The following NRF1 variants were observed in gnomAD, a reference collection of about 807,000 sequenced individuals.
The protein encoded by NRF1 is nuclear respiratory factor 1.
In NRF1, 5 loss-of-function variants were observed where a neutral mutation model predicts 58.5. That is an observed-to-expected ratio of 0.09 (90% CI 0.04 to 0.18). NRF1 has a LOEUF of 0.18. Among genes scored for constraint, NRF1 ranks in the 10% least tolerant of loss-of-function variants. NRF1 has a pLI of 1.00. For missense variants in NRF1, 288 were observed against 657.7 expected (o/e 0.44, Z 6.15); for synonymous variants, 224 against 246.7 (o/e 0.91, Z 0.86).
rs564631698 is a variant in NRF1, at chr7:129,669,172, C to T, written c.224-2257C>T. On this transcript the variant is annotated intron_variant, in intron 2 of 10. Transcript: ENST00000393232. ...ATATTGGCCAGGCTGGTCTCAAACT[C>T]CTGACCTTAGGTGATCCTCCCACCT... Among the ~76,000 whole-genome samples the T allele has an allele frequency of 1.3e-4, 20 of 152,284 alleles. No homozygotes were observed. In the East Asian group the frequency reaches 3.7e-3, roughly 28 times the overall value.
At chr7:129,721,037 A>G (rs939154238) in intron 9 of NRF1, among the ~76,000 whole-genome samples, 3 of 151,958 alleles carry the variant, frequency 2.0e-5, no homozygotes, top group Non-Finnish European at 4.4e-5. Context: ...TGTATATAAA[A>G]AATAGCTTAT....
chr7:129,685,444 C>T (rs1031566424), intron 4 of NRF1, among the ~76,000 whole-genome samples: 2 of 152,132 alleles, frequency 1.3e-5, no homozygotes, highest in Non-Finnish European at 2.9e-5. Flanking sequence ...ATACCCTAAA[C>T]ACCCTCCATC....
chr7:129,738,594 A>G (rs903720647), intron 10 of NRF1, among the ~76,000 whole-genome samples: 2 of 152,214 alleles, frequency 1.3e-5, no homozygotes, highest in African/African-American at 4.8e-5. Flanking sequence ...CACATTGAGC[A>G]TAATTATTTA....
At chr7:129,633,835 GAAT>G (rs772035683) in intron 1 of NRF1, 119 of 150,946 alleles carry the variant, frequency 7.9e-4, no homozygotes, top group Non-Finnish European at 1.6e-3. Context: ...TGTACTTTAA[GAAT>G]AAATATATAT....
chr7:129,694,549 G>A (rs918610342), intron 5 of NRF1, among the ~76,000 whole-genome samples: 5 of 152,018 alleles, frequency 3.3e-5, no homozygotes, highest in Non-Finnish European at 7.4e-5. Flanking sequence ...TGGATTTTTA[G>A]TAGAGACAGG....
chr7:129,642,341 A>G (rs1267234960), intron 1 of NRF1, among the ~76,000 whole-genome samples: 2 of 152,218 alleles, frequency 1.3e-5, no homozygotes, highest in Admixed American at 1.3e-4. Flanking sequence ...TTTATTGAAT[A>G]CTAGTTATCA....
chr7:129,659,820 G>A (rs1184719591), intron 2 of NRF1, among the ~76,000 whole-genome samples: 1 of 152,088 alleles, frequency 6.6e-6, no homozygotes, highest in Non-Finnish European at 1.5e-5. Flanking sequence ...TTCCTCACTT[G>A]TATGTCTCTT....
At chr7:129,747,556 T>C (rs749393955) in intron 10 of NRF1, among the ~76,000 whole-genome samples, 1 of 152,210 alleles carries the variant, frequency 6.6e-6, no homozygotes, top group Non-Finnish European at 1.5e-5. Flanking sequence ...ATTTATTATA[T>C]ACCTACTATG....
chr7:129,735,614 C>T (rs542286086), intron 10 of NRF1, among the ~76,000 whole-genome samples: 12 of 151,766 alleles, frequency 7.9e-5, no homozygotes, highest in Admixed American at 2.0e-4. Flanking sequence ...AACAGCCCTT[C>T]GCAAGTATCC....
chr7:129,731,264 C>T (rs1304714516), intron 10 of NRF1, among the ~76,000 whole-genome samples: 1 of 132,802 alleles, frequency 7.5e-6, no homozygotes, highest in Non-Finnish European at 1.7e-5. Flanking sequence ...GAGCAAGACT[C>T]CGTCTTGAAA....
intron 3 of NRF1, among the ~76,000 whole-genome samples, chr7:129,675,080 T>C (rs940514670): frequency 1.3e-5 from 2 of 152,226 alleles, no homozygotes; most frequent in Admixed American, 1.3e-4. Flanking sequence ...TATTGTCATT[T>C]CAACAATATA....
intron 8 of NRF1, among the ~76,000 whole-genome samples, chr7:129,716,187 G>A (rs535893949): frequency 1.3e-5 from 2 of 152,120 alleles, no homozygotes; most frequent in Admixed American, 6.6e-5. Context: ...AGTAGAAAGG[G>A]GAAATGGGGT....
intron 5 of NRF1, among the ~76,000 whole-genome samples, chr7:129,695,542 C>T (rs1346460988): frequency 4.0e-5 from 6 of 149,952 alleles, no homozygotes; most frequent in Non-Finnish European, 8.9e-5. Context: ...TGCCACTGCA[C>T]TCCAGCCTGG....
chr7:129,693,635 G>A (rs1247393283), intron 5 of NRF1, among the ~76,000 whole-genome samples: 2 of 152,020 alleles, frequency 1.3e-5, no homozygotes, highest in African/African-American at 4.8e-5. Flanking sequence ...GCCTAGGGAA[G>A]CCAAAAGATT....
intron 1 of NRF1, among the ~76,000 whole-genome samples, chr7:129,650,156 A>G (rs563149397): frequency 4.7e-4 from 70 of 150,336 alleles, no homozygotes; most frequent in Non-Finnish European, 7.5e-4. Context: ...GCTTGGGGGA[A>G]TTTTTTTTCT....
chr7:129,736,229 T>G (rs962593938), intron 10 of NRF1, among the ~76,000 whole-genome samples: 2 of 151,944 alleles, frequency 1.3e-5, no homozygotes, highest in African/African-American at 4.8e-5. Context: ...TTTTAAAATA[T>G]GTATGTTTTC....
In NRF1 at chr7:129,612,896, A is replaced by G. The variant is rs566740749; in HGVS notation, c.-7+1072A>G. Reference sequence around the variant, plus strand: ...AACTTGAAGTTGTTTAAAAATCTTAATACTTGGGGGGCTTCCAGTGATATC... The same window carrying G: ...AACTTGAAGTTGTTTAAAAATCTTAGTACTTGGGGGGCTTCCAGTGATATC... On this transcript the variant is annotated intron_variant, in intron 1 of 10. Transcript: ENST00000393232. Among the ~76,000 whole-genome samples, 3 of 152,294 alleles carry G rather than the reference A, an allele frequency of 2.0e-5. No individual in the cohort carries two copies. The South Asian group carries it at 6.2e-4, about 32-fold the overall frequency.
chr7:129,717,831 A>G, intron 9 of NRF1, among the ~76,000 whole-genome samples: 1 of 152,188 alleles, frequency 6.6e-6, no homozygotes, highest in East Asian at 1.9e-4. Flanking sequence ...TGAGTGCTTC[A>G]TGTTTTCAAG....
intron 10 of NRF1, among the ~76,000 whole-genome samples, chr7:129,748,902 G>T (rs1045518540): frequency 6.6e-6 from 1 of 152,192 alleles, no homozygotes; most frequent in Non-Finnish European, 1.5e-5. Context: ...TGCCCCAGGA[G>T]AGATCTGGAA....
Sources: allele counts gnomAD v4.1 joint callset (sites outside exome capture counted in the v4.1 genomes callset), GRCh38; gene constraint gnomAD v4.1.1; transcripts MANE v1.5; gene names NCBI Gene and HGNC (gene_info 2026-07-23, HGNC 2026-07-21).